The following DHX35 variants were observed in gnomAD, a reference collection of about 807,000 sequenced individuals.
DHX35 encodes probable ATP-dependent RNA helicase DHX35.
In DHX35, 84 loss-of-function variants were observed where a neutral mutation model predicts 99.6. The ratio of observed to expected loss-of-function variants is 0.84; its 90% CI spans 0.71 to 1.01. The LOEUF (loss-of-function observed/expected upper bound fraction) is 1.01. DHX35 is among the 50% of genes least tolerant of loss of function. The probability of loss-of-function intolerance (pLI) is 0.00; values close to 1 mark genes in which losing one functional copy is unlikely to be tolerated. For synonymous variants in DHX35, 331 were observed against 316.2 expected (o/e 1.05, Z -0.50); for missense variants, 852 against 888.5 (o/e 0.96, Z 0.52).
chr20:38,962,863 C>T (rs911909118), intron 1 of DHX35: 4 of 171,202 alleles, frequency 2.3e-5, no homozygotes, highest in Non-Finnish European at 5.0e-5. Context: ...TGACCTTGGG[C>T]GAGTCACTTA....
intron 1 of DHX35, among the ~76,000 whole-genome samples, chr20:38,966,938 A>G (rs1218655708): frequency 6.6e-6 from 1 of 152,212 alleles, no homozygotes; most frequent in Non-Finnish European, 1.5e-5. Context: ...GAGGACAGGC[A>G]TTGTTCCAGG....
At chr20:38,993,980 G>A (rs1035282772) in intron 7 of DHX35, among the ~76,000 whole-genome samples, 10 of 152,226 alleles carry the variant, frequency 6.6e-5, no homozygotes, top group African/African-American at 1.4e-4. Context: ...CAGGTGGACC[G>A]GATTGCTGAA....
chr20:38,980,222 A>G (rs528104672), intron 3 of DHX35, among the ~76,000 whole-genome samples: 2 of 152,278 alleles, frequency 1.3e-5, no homozygotes, highest in African/African-American at 4.8e-5. Context: ...CACTACTGCT[A>G]AGAGATTGGC....
intron 3 of DHX35, among the ~76,000 whole-genome samples, chr20:38,974,467 T>C (rs972824275): frequency 5.3e-5 from 8 of 152,260 alleles, no homozygotes; most frequent in African/African-American, 1.9e-4. Flanking sequence ...CACGACTTGC[T>C]GCCTTGGCGA....
Position 39,013,593 on chromosome 20 carries a change from G to A in DHX35, c.1348-1287G>A, listed in dbSNP as rs148790824. On this transcript the variant is annotated intron_variant, in intron 13 of 21. Coordinates refer to ENST00000252011, the MANE Select transcript of DHX35 (RefSeq NM_021931.4). ...TTTTTTTGTTAATTGACTGGAAATC[G>A]GGCCAGGAATTGAGTCAGAGCTGAC... 2.2e-4 allele frequency among the ~76,000 whole-genome samples: 33 copies of A among 152,258 alleles called. No homozygotes were observed. In the East Asian group the frequency reaches 4.1e-3, roughly 19 times the overall value.
At position 39,022,021 on chromosome 20, in the gene DHX35, A is replaced by G. The variant is rs1600438667; in HGVS notation, c.1593+86A>G. On this transcript the variant is annotated intron_variant, in intron 16 of 21. Coordinates refer to ENST00000252011, the MANE Select transcript of DHX35 (RefSeq NM_021931.4). ...TCAAAACTGTACTCAGGAACTGCTG[A>G]AGACAGAGCTGTACAAATGTGATCT... 14 of 1,307,064 alleles carry G rather than the reference A, an allele frequency of 1.1e-5. No individual in the cohort carries two copies. The East Asian group carries it at 3.2e-4, about 30-fold the overall frequency. 81.0% of individuals were successfully genotyped at this position (1,307,064 alleles called of 1,614,324 possible).
intron 18 of DHX35, among the ~76,000 whole-genome samples, chr20:39,026,862 G>A (rs2086965704): frequency 6.6e-6 from 1 of 152,168 alleles, no homozygotes; most frequent in South Asian, 2.1e-4. Flanking sequence ...AGAGCAGCTC[G>A]TCAAACGCCT....
At chr20:39,024,665 C>T (rs551383074) in intron 17 of DHX35, among the ~76,000 whole-genome samples, 107 of 152,236 alleles carry the variant, frequency 7.0e-4, no homozygotes, top group African/African-American at 2.5e-3. Flanking sequence ...ATTACATTTT[C>T]TTTTTTAAAG....
rs1038872292 is a variant in DHX35 at position 38,985,826 on chromosome 20, T to C, written c.345+2050T>C. Among the ~76,000 whole-genome samples the C allele has an allele frequency of 3.3e-5, 5 of 152,306 alleles. No individual in the cohort carries two copies. The South Asian group carries it at 1.0e-3, about 32-fold the overall frequency. On this transcript the variant is annotated intron_variant, in intron 4 of 21. Transcript: ENST00000252011. ...TTGAAAGAGCAAAGAGCATGTAATA[T>C]ATTAATAGAGCTGTCAAGTTTGAAA...
intron 15 of DHX35, 87 bp downstream of exon 15, chr20:39,018,986 G>T (rs897516948): frequency 3.5e-6 from 4 of 1,141,194 alleles, no homozygotes; most frequent in Non-Finnish European, 3.9e-6. Context: ...TGGGGAAGAG[G>T]GTACAATATG....
At position 38,962,372 on chromosome 20, in the gene DHX35, C is replaced by G. The variant is rs2085843587; in HGVS notation, c.5C>G (p.Ala2Gly). Residue 2 changes from alanine (A) to glycine (G), a missense_variant, in exon 1 of 22, where the codon GCT becomes GGT. By Grantham distance (60) the Ala-to-Gly change is moderately conservative. Coordinates refer to ENST00000252011, the MANE Select transcript of DHX35 (RefSeq NM_021931.4). The stretch of plus-strand genomic sequence containing the variant: ...CTCGTGACCTTTTACCCCAACATGG[C>G]TGCGCCCGTGGGACCGGTGAAGTTC... MAAPVGPVKFWR... is the reference protein window; with the variant it reads MGAPVGPVKFWR... 6.2e-7 allele frequency: 1 copy of G among 1,612,816 alleles called. No individual in the cohort carries two copies. Among genetic ancestry groups the G allele is most frequent in the Non-Finnish European group, 8.5e-7 (1 of 1,179,304 alleles).
rs749453853 is a variant in DHX35 at position 38,969,148 on chromosome 20, G to A, written c.108G>A (p.Thr36=). ...RQSLAENSGT[T]VVYNPYAALS... ...GTCTGGCTGAAAACTCTGGGACAAC[G>A]GTTGTTTACAACCCTTATGCTGCCC... is the stretch of plus-strand genomic sequence containing the variant. Residue 36 remains threonine (T), a synonymous_variant, in exon 2 of 22, where the codon ACG becomes ACA. Coordinates refer to ENST00000252011, the MANE Select transcript of DHX35 (RefSeq NM_021931.4). 18 of 1,613,908 alleles carry A rather than the reference G, an allele frequency of 1.1e-5. No homozygotes were observed. Among genetic ancestry groups the A allele is most frequent in the South Asian group, 5.5e-5 (5 of 91,066 alleles).
intron 18 of DHX35, among the ~76,000 whole-genome samples, chr20:39,027,186 A>G (rs2086970763): frequency 3.9e-5 from 6 of 152,190 alleles, no homozygotes; most frequent in Admixed American, 3.9e-4. Flanking sequence ...AAGAGACTGG[A>G]TATCGGATTA....
intron 17 of DHX35, 111 bp from the exon 18 acceptor site, chr20:39,025,119 C>A (rs897224773): frequency 1.6e-5 from 21 of 1,294,136 alleles, no homozygotes; most frequent in Non-Finnish European, 2.1e-5. Flanking sequence ...ATCTTTAGAT[C>A]TTATGCCGTT....
chr20:38,970,149 C>T lies in DHX35; in HGVS notation c.174+935C>T, dbSNP rs62202565. ...TATTGTTCAGGCTGGTCACGAACCC[C>T]TGAGCTCAAGCAGTTCTCCTGCCTC... On this transcript the variant is annotated intron_variant, in intron 2 of 21. Transcript: ENST00000252011. Among the ~76,000 whole-genome samples, 996 of 152,336 alleles carry T rather than the reference C, an allele frequency of 6.5e-3. 11 individuals are homozygous for T. Among genetic ancestry groups the T allele is most frequent in the African/African-American group, 0.023 (944 of 41,564 alleles).
In DHX35 at chr20:39,002,845, G is replaced by A. The variant is rs1416300877; in HGVS notation, c.829G>A (p.Val277Ile). ...TCACCAGACAGAGGGAGACGGAGAC[G>A]TTTTAGCATTTCTTACTGGCCAGGT... Reference protein sequence around the residue: ...KIHQTEGDGDVLAFLTGQEEV... With the variant: ...KIHQTEGDGDILAFLTGQEEV... Residue 277 changes from valine to isoleucine, a missense_variant, in exon 10 of 22, where the codon GTT becomes ATT. By Grantham distance (29) the Val-to-Ile change is conservative (BLOSUM62 3). Transcript: ENST00000252011. The A allele has an allele frequency of 3.1e-6, 5 of 1,614,156 alleles. No homozygotes were observed. The highest frequency in any genetic ancestry group is 1.7e-5 in the Admixed American group (1 of 60,020).
chr20:38,983,320 A>G (rs1189526594), intron 3 of DHX35, among the ~76,000 whole-genome samples: 2 of 152,186 alleles, frequency 1.3e-5, no homozygotes, highest in Non-Finnish European at 2.9e-5. Flanking sequence ...TGTGGTTGAT[A>G]TTTATGTTGA....
chr20:39,003,095 G>A (rs1187884374), intron 10 of DHX35, among the ~76,000 whole-genome samples: 1 of 152,176 alleles, frequency 6.6e-6, no homozygotes, highest in African/African-American at 2.4e-5. Flanking sequence ...TTTTTTAAAT[G>A]TATTAGCTGA....
chr20:39,014,967 T>G (rs749484460), intron 14 of DHX35, 33 bp downstream of exon 14: 2 of 1,613,018 alleles, frequency 1.2e-6, no homozygotes, highest in Admixed American at 1.7e-5. Context: ...TCTCTCTTAT[T>G]ATGTGTTGTC....
Sources: gnomAD v4.1 joint callset for allele counts (sites outside exome capture counted in the v4.1 genomes callset) on GRCh38, gnomAD v4.1.1 for gene constraint, MANE v1.5 for transcripts, NCBI Gene and HGNC (gene_info 2026-07-23, HGNC 2026-07-21) for gene names.